Variants in SLC4A10 observed in about 807,000 individuals in gnomAD.
SLC4A10 encodes the protein solute carrier family 4 member 10.
In SLC4A10, 42 loss-of-function variants were observed where a neutral mutation model predicts 137.7. The ratio of observed to expected loss-of-function variants is 0.30; its 90% CI spans 0.24 to 0.39. SLC4A10 has a LOEUF of 0.39. Among genes scored for constraint, SLC4A10 ranks in the 10% least tolerant of loss-of-function variants. The pLI is 1.00. For missense variants in SLC4A10, 925 were observed against 1,355.0 expected (o/e 0.68, Z 4.98); for synonymous variants, 474 against 464.1 (o/e 1.02, Z -0.27).
intron 11 of SLC4A10, among the ~76,000 whole-genome samples, chr2:161,899,847 G>A (rs1472012334): frequency 6.6e-6 from 1 of 151,998 alleles, no homozygotes; most frequent in Non-Finnish European, 1.5e-5. Context: ...TAGTCTTACT[G>A]CGTCCATCCA....
intron 3 of SLC4A10, among the ~76,000 whole-genome samples, chr2:161,812,199 G>C (rs1484427391): frequency 6.6e-6 from 1 of 151,908 alleles, no homozygotes; most frequent in African/African-American, 2.4e-5. Flanking sequence ...TTGACCTAAT[G>C]GTAGGTGTAT....
chr2:161,660,569 T>TTTC (rs1553479748), intron 1 of SLC4A10, among the ~76,000 whole-genome samples: 1 of 109,276 alleles, frequency 9.2e-6, no homozygotes, highest in Non-Finnish European at 2.1e-5. Context: ...TCTTTCTTTC[T>TTTC]TTCTTTCTTT....
intron 1 of SLC4A10, among the ~76,000 whole-genome samples, chr2:161,681,387 G>A (rs2040833883): frequency 6.6e-6 from 1 of 152,128 alleles, no homozygotes; most frequent in South Asian, 2.1e-4. Flanking sequence ...TGGAGATGAG[G>A]ATCTGAGGAC....
intron 15 of SLC4A10, among the ~76,000 whole-genome samples, chr2:161,918,798 C>CAGCTGCAGTAGGGG (rs940338577): frequency 2.0e-5 from 3 of 152,068 alleles, no homozygotes; most frequent in Admixed American, 1.3e-4. Context: ...GCAAAGATGC[C>CAGCTGCAGTAGGGG]AGCTGCAGTA....
At chr2:161,765,819 T>C (rs1275031923) in intron 1 of SLC4A10, among the ~76,000 whole-genome samples, 3 of 152,098 alleles carry the variant, frequency 2.0e-5, no homozygotes, top group African/African-American at 7.2e-5. Flanking sequence ...AAAATTTATC[T>C]TACTATGTGT....
chr2:161,879,385 T>A, intron 9 of SLC4A10, 97 bp downstream of exon 9: 2 of 1,279,002 alleles, frequency 1.6e-6, no homozygotes, highest in Non-Finnish European at 2.1e-6. Context: ...GAGTTTTGAC[T>A]AGAAACTAAT....
In SLC4A10 at chr2:161,976,843, C is replaced by G. The variant is rs1699459892; in HGVS notation, c.3311C>G (p.Ser1104Ter). The G allele has an allele frequency of 3.1e-6, 5 of 1,600,826 alleles. No homozygotes were observed. Among genetic ancestry groups the G allele is most frequent in the Non-Finnish European group, 4.3e-6 (5 of 1,173,256 alleles). Residue 1104 changes from serine (S) to a stop codon, truncating the protein, a stop_gained, in exon 25 of 27, where the codon TCA becomes TGA. Transcript: ENST00000446997. LOFTEE classifies it high-confidence loss of function. The part of the protein sequence containing the change: ...WRNLLITADN[S>*]KDKESSFPSK... The stretch of plus-strand genomic sequence containing the variant: ...AACCTTCTGATTACTGCCGATAACT[C>G]AAAAGATAAGGAGTCAAGCTTTCCT...
At chr2:161,758,977 A>G (rs529925590) in intron 1 of SLC4A10, among the ~76,000 whole-genome samples, 195 of 152,136 alleles carry the variant, frequency 1.3e-3, no homozygotes, top group African/African-American at 4.6e-3. Context: ...ACAAATAAAA[A>G]GGATCTAACA....
intron 1 of SLC4A10, among the ~76,000 whole-genome samples, chr2:161,719,341 G>A (rs1393884760): frequency 1.3e-5 from 2 of 152,094 alleles, no homozygotes; most frequent in Non-Finnish European, 2.9e-5. Flanking sequence ...CTTTGCTATT[G>A]TGAATAGAGC....
chr2:161,627,216 A>T (rs897132973), intron 1 of SLC4A10, among the ~76,000 whole-genome samples: 2 of 152,100 alleles, frequency 1.3e-5, no homozygotes, highest in African/African-American at 4.8e-5. Context: ...TATTGAGAGG[A>T]TGTATAGGTT....
chr2:161,807,726 C>T (rs1043851498), intron 3 of SLC4A10, among the ~76,000 whole-genome samples: 1 of 151,996 alleles, frequency 6.6e-6, no homozygotes, highest in Non-Finnish European at 1.5e-5. Flanking sequence ...TTTCTTCATA[C>T]CTTTACTGCC....
chr2:161,814,849 G>A (rs535114060), intron 3 of SLC4A10, among the ~76,000 whole-genome samples: 1 of 152,100 alleles, frequency 6.6e-6, no homozygotes, highest in African/African-American at 2.4e-5. Flanking sequence ...GACAGGATCA[G>A]TCATACCCCA....
intron 2 of SLC4A10, among the ~76,000 whole-genome samples, chr2:161,786,018 G>A (rs1000603722): frequency 2.0e-5 from 3 of 151,826 alleles, no homozygotes; most frequent in Admixed American, 1.3e-4. Flanking sequence ...TCATTGGGAT[G>A]TTGAAGTCCT....
chr2:161,884,967 C>T (rs985189421), intron 10 of SLC4A10, among the ~76,000 whole-genome samples: 2 of 152,094 alleles, frequency 1.3e-5, no homozygotes, highest in African/African-American at 2.4e-5. Flanking sequence ...CACCTGAAGT[C>T]AGGAGTTCGA....
At chr2:161,832,873 TG>T (rs1170114539) in intron 3 of SLC4A10, among the ~76,000 whole-genome samples, 2 of 152,174 alleles carry the variant, frequency 1.3e-5, no homozygotes, top group Non-Finnish European at 2.9e-5. Context: ...CCCGAATAGC[TG>T]GGATTACAGG....
chr2:161,898,205 A>G (rs1418153050), intron 11 of SLC4A10, among the ~76,000 whole-genome samples: 1 of 152,106 alleles, frequency 6.6e-6, no homozygotes, highest in African/African-American at 2.4e-5. Flanking sequence ...GAAATATTCT[A>G]CGTCTATGCT....
intron 1 of SLC4A10, among the ~76,000 whole-genome samples, chr2:161,691,456 T>C (rs769653204): frequency 1.1e-4 from 17 of 151,942 alleles, no homozygotes; most frequent in Non-Finnish European, 2.1e-4. Flanking sequence ...AAAAAATAAC[T>C]AGAAGAGTAT....
chr2:161,648,509 G>T (rs1317990241), intron 1 of SLC4A10, among the ~76,000 whole-genome samples: 1 of 152,144 alleles, frequency 6.6e-6, no homozygotes, highest in Non-Finnish European at 1.5e-5. Context: ...AGGACCAAAT[G>T]TTCTTTAAAA....
intron 2 of SLC4A10, among the ~76,000 whole-genome samples, chr2:161,783,168 A>C (rs981504496): frequency 6.6e-6 from 1 of 152,000 alleles, no homozygotes. Context: ...ATGAGAAGGA[A>C]ATGAGATGAT....
Sources: allele counts gnomAD v4.1 joint callset (sites outside exome capture counted in the v4.1 genomes callset), GRCh38; gene constraint gnomAD v4.1.1; transcripts MANE v1.5; gene names NCBI Gene and HGNC (gene_info 2026-07-23, HGNC 2026-07-21).